The following SOX6 variants were observed in gnomAD, a reference collection of about 807,000 sequenced individuals.
SOX6 encodes the protein SRY-box transcription factor 6, also known as transcription factor SOX-6.
Under a neutral mutation model 97.8 loss-of-function variants are expected in SOX6, and 11 were observed. That is an observed-to-expected ratio of 0.11 (90% CI 0.07 to 0.19). SOX6 has a LOEUF of 0.19. SOX6 is among the 10% of genes least tolerant of loss of function. SOX6 has a pLI of 1.00. For missense variants in SOX6, 810 were observed against 1,039.5 expected (o/e 0.78, Z 3.04); for synonymous variants, 360 against 371.4 (o/e 0.97, Z 0.35).
chr11:16,265,557 A>C (rs1854057895), intron 3 of SOX6, among the ~76,000 whole-genome samples: 1 of 151,954 alleles, frequency 6.6e-6, no homozygotes, highest in South Asian at 2.1e-4. Flanking sequence ...CTTTTTAAAA[A>C]TCAGGTGTGC....
chr11:16,226,489 G>A (rs1852694123), intron 4 of SOX6, among the ~76,000 whole-genome samples: 1 of 152,106 alleles, frequency 6.6e-6, no homozygotes, highest in Admixed American at 6.5e-5. Flanking sequence ...CAGCACAGAG[G>A]AGCATGTGTG....
chr11:16,312,681 A>C (rs1192032333), intron 3 of SOX6: 2 of 152,162 alleles, frequency 1.3e-5, no homozygotes, highest in Non-Finnish European at 2.9e-5. Flanking sequence ...TTCTCATTAG[A>C]CAACTTATTT....
intron 1 of SOX6, among the ~76,000 whole-genome samples, chr11:16,412,944 TATGACGTGGGAGG>T (rs1858851631): frequency 1.3e-5 from 2 of 152,168 alleles, no homozygotes; most frequent in African/African-American, 4.8e-5. Context: ...GCCCACTCCC[TATGACGTGGGAGG>T]AAAAAGGCAG....
At chr11:16,184,068 G>T (rs1565004579) in intron 5 of SOX6, 114 bp from the exon 6 acceptor site, 2 of 955,114 alleles carry the variant, frequency 2.1e-6, no homozygotes, top group Admixed American at 4.0e-5. Context: ...ATGTGAAAGA[G>T]TTCCTATAAA....
rs1306827506 is a variant in SOX6 at position 15,991,111 on chromosome 11, T to C, written c.1733-1881A>G. On this transcript the variant is annotated intron_variant, in intron 13 of 15. Coordinates refer to ENST00000683767, the MANE Select transcript of SOX6 (RefSeq NM_001367873.1). ...TTCTGAAGATTATACAAAAATAACA[T>C]ATTTTATAAACAGCCCTTCTTTTAG... Among the ~76,000 whole-genome samples, 4 of 152,168 alleles carry C rather than the reference T, an allele frequency of 2.6e-5. No individual in the cohort carries two copies. In the East Asian group the frequency reaches 7.7e-4, roughly 29 times the overall value.
At chr11:16,640,780 A>T (rs1243392005) in intron 3 of SOX6, among the ~76,000 whole-genome samples, 1 of 151,936 alleles carries the variant, frequency 6.6e-6, no homozygotes, top group African/African-American at 2.4e-5. Flanking sequence ...TTTTTATTAC[A>T]TCTATTTAAT....
At chr11:16,525,057 C>CAAGGT (rs1433189969) in intron 4 of SOX6, among the ~76,000 whole-genome samples, 4 of 152,146 alleles carry the variant, frequency 2.6e-5, no homozygotes, top group Non-Finnish European at 5.9e-5. Flanking sequence ...CCATACTGCC[C>CAAGGT]AAGGTAATTT....
intron 9 of SOX6, among the ~76,000 whole-genome samples, chr11:16,092,224 A>AT (rs998028198): frequency 6.6e-6 from 1 of 151,938 alleles, no homozygotes. Flanking sequence ...CCTTCATTGT[A>AT]TTTTTTTAAA....
intron 6 of SOX6, among the ~76,000 whole-genome samples, chr11:16,132,481 A>AAGC (rs1564972770): frequency 4.2e-5 from 6 of 144,570 alleles, no homozygotes; most frequent in African/African-American, 1.6e-4. Context: ...AGAAAGAAAG[A>AAGC]AAGAAAGAAA....
intron 4 of SOX6, among the ~76,000 whole-genome samples, chr11:16,591,332 T>TAGAC (rs1259504235): frequency 2.8e-4 from 24 of 84,216 alleles, no homozygotes; most frequent in Admixed American, 6.1e-4. Context: ...GATAGATAGA[T>TAGAC]AGATAGATAG....
chr11:16,683,373 G>C (rs1206000058), intron 3 of SOX6, among the ~76,000 whole-genome samples: 1 of 152,138 alleles, frequency 6.6e-6, no homozygotes, highest in African/African-American at 2.4e-5. Flanking sequence ...CATGGTACTG[G>C]TACCAAAACA....
intron 13 of SOX6, among the ~76,000 whole-genome samples, chr11:15,990,711 A>C (rs1367810039): frequency 2.0e-5 from 3 of 152,206 alleles, no homozygotes; most frequent in Non-Finnish European, 2.9e-5. Flanking sequence ...TTAAAGGTAA[A>C]GTGGTCAGAC....
chr11:16,663,901 A>G (rs911212461), intron 3 of SOX6, among the ~76,000 whole-genome samples: 3 of 152,184 alleles, frequency 2.0e-5, no homozygotes, highest in Non-Finnish European at 4.4e-5. Context: ...TTTAATATGC[A>G]GCACATTTAT....
In SOX6 at chr11:16,089,764, C is replaced by T. The variant is rs545874530; in HGVS notation, c.1101+6232G>A. ...TCTCAATCTCTTTTAATTAAAATATCGTAAAAAATGTCTTTCTCCTGTTCT... is the reference window on the plus strand; with the variant it reads ...TCTCAATCTCTTTTAATTAAAATATTGTAAAAAATGTCTTTCTCCTGTTCT... On this transcript the variant is annotated intron_variant, in intron 9 of 15. Coordinates refer to ENST00000683767, the MANE Select transcript of SOX6 (RefSeq NM_001367873.1). 3.9e-4 allele frequency among the ~76,000 whole-genome samples: 60 copies of T among 152,082 alleles called. 2 individuals are homozygous for T. The highest frequency in any genetic ancestry group is 1.5e-3 in the East Asian group (8 of 5,164).
chr11:16,373,894 AGGGAGGAAGGGAGGGAGAAGG>A (rs1175682486), intron 1 of SOX6, among the ~76,000 whole-genome samples: 846 of 64,948 alleles, frequency 0.013, 16 homozygotes, highest in African/African-American at 0.042. Context: ...GAAGGGAGGG[AGGGAGGAAGGGAGGGAGAAGG>A]GGAAGGGAGG....
chr11:16,154,314 A>G (rs1225650278), intron 6 of SOX6, among the ~76,000 whole-genome samples: 2 of 152,216 alleles, frequency 1.3e-5, no homozygotes, highest in African/African-American at 4.8e-5. Flanking sequence ...AACATTTGCT[A>G]ACAATCATTA....
At chr11:16,631,834 T>A (rs1050496806) in intron 3 of SOX6, among the ~76,000 whole-genome samples, 8 of 152,334 alleles carry the variant, frequency 5.3e-5, no homozygotes, top group Non-Finnish European at 1.0e-4. Flanking sequence ...AGACTGGTCT[T>A]CAAGCTCTGA....
intron 3 of SOX6, among the ~76,000 whole-genome samples, chr11:16,294,296 AATT>A (rs1855003960): frequency 6.6e-6 from 1 of 152,004 alleles, no homozygotes; most frequent in Non-Finnish European, 1.5e-5. Context: ...TAATATCAGG[AATT>A]ATTATTTTTA....
chr11:16,110,581 T>A (rs747807937), intron 7 of SOX6, among the ~76,000 whole-genome samples: 2 of 152,180 alleles, frequency 1.3e-5, no homozygotes, highest in Non-Finnish European at 2.9e-5. Flanking sequence ...ATGAGTTTGA[T>A]TCATTTATAT....
Sources: allele counts gnomAD v4.1 joint callset (sites outside exome capture counted in the v4.1 genomes callset), GRCh38; gene constraint gnomAD v4.1.1; transcripts MANE v1.5; gene names NCBI Gene and HGNC (gene_info 2026-07-23, HGNC 2026-07-21).